The following TBC1D32 variants were observed in gnomAD, a reference collection of about 807,000 sequenced individuals.
TBC1D32 encodes protein broad-minded.
In TBC1D32, 151 loss-of-function variants were observed where a neutral mutation model predicts 170.3. The observed-to-expected ratio is 0.89, with a 90% confidence interval of 0.78 to 1.01. The LOEUF is 1.01. Ranked by LOEUF, TBC1D32 falls within the 50% of genes least tolerant of loss-of-function variation. The pLI is 0.00. For missense variants in TBC1D32, 1,464 were observed against 1,457.1 expected (o/e 1.00, Z -0.08); for synonymous variants, 498 against 488.0 (o/e 1.02, Z -0.27).
At chr6:121,089,480 C>T (rs1341393482) in intron 31 of TBC1D32, among the ~76,000 whole-genome samples, 1 of 152,102 alleles carries the variant, frequency 6.6e-6, no homozygotes. Context: ...TGAAAATGAA[C>T]CTACATTTTG....
chr6:121,287,837 G>A (rs1337042197), intron 12 of TBC1D32, among the ~76,000 whole-genome samples: 1 of 152,158 alleles, frequency 6.6e-6, no homozygotes, highest in Non-Finnish European at 1.5e-5. Flanking sequence ...TAGAACTCAG[G>A]ATTAGGAAAC....
intron 29 of TBC1D32, among the ~76,000 whole-genome samples, chr6:121,109,197 A>G (rs1398572601): frequency 2.0e-5 from 3 of 152,208 alleles, no homozygotes; most frequent in Non-Finnish European, 4.4e-5. Flanking sequence ...ATGTAAATTT[A>G]TACTTGAATA....
At chr6:121,310,644 G>A (rs1808049888) in intron 4 of TBC1D32, 135 bp downstream of exon 4, 5 of 621,328 alleles carry the variant, frequency 8.0e-6, no homozygotes, top group Non-Finnish European at 1.1e-5. Flanking sequence ...GTTTACCAGG[G>A]ATATCAGTCC....
At chr6:121,105,980 T>C in intron 30 of TBC1D32, 43 bp downstream of exon 30, 4 of 1,515,540 alleles carry the variant, frequency 2.6e-6, no homozygotes, top group Non-Finnish European at 3.6e-6. Context: ...TTGAAGACAC[T>C]GAGATAAAGG....
At chr6:121,213,533 TAAAATAAAATA>T (rs1793418134) in intron 21 of TBC1D32, among the ~76,000 whole-genome samples, 16 of 75,966 alleles carry the variant, frequency 2.1e-4, no homozygotes, top group African/African-American at 8.5e-4. Flanking sequence ...ATAAATAAAA[TAAAATAAAATA>T]AAATAAAATA....
At chr6:121,148,416 T>G (rs1036617016) in intron 24 of TBC1D32, among the ~76,000 whole-genome samples, 5 of 152,192 alleles carry the variant, frequency 3.3e-5, no homozygotes, top group African/African-American at 1.2e-4. Flanking sequence ...TTCAAGTCTT[T>G]GCTATTGTGA....
chr6:121,098,610 A>G (rs1239056042), intron 30 of TBC1D32, among the ~76,000 whole-genome samples: 4 of 152,060 alleles, frequency 2.6e-5, no homozygotes, highest in Non-Finnish European at 1.5e-5. Flanking sequence ...GTGTCAGAAA[A>G]TCAAGGGACC....
intron 31 of TBC1D32, among the ~76,000 whole-genome samples, chr6:121,083,400 T>C (rs1220951626): frequency 1.3e-5 from 2 of 152,106 alleles, no homozygotes; most frequent in African/African-American, 4.8e-5. Context: ...TCAACTGGTA[T>C]GTTTTTAATA....
chr6:121,217,265 C>T (rs150987892), intron 21 of TBC1D32, among the ~76,000 whole-genome samples: 4,165 of 152,306 alleles, frequency 0.027, 152 homozygotes, highest in African/African-American at 0.087. Flanking sequence ...GTCCATAAGG[C>T]CCACCAGAAG....
At chr6:121,227,237 C>T (rs1187765056) in intron 20 of TBC1D32, among the ~76,000 whole-genome samples, 2 of 152,128 alleles carry the variant, frequency 1.3e-5, no homozygotes, top group East Asian at 3.9e-4. Flanking sequence ...CATTTAGATT[C>T]AGGGAGAGGA....
chr6:121,175,870 G>A (rs1172356951), intron 22 of TBC1D32, among the ~76,000 whole-genome samples: 1 of 152,160 alleles, frequency 6.6e-6, no homozygotes, highest in Admixed American at 6.5e-5. Context: ...AAAGAGGCAT[G>A]CTATGCAAAA....
At chr6:121,308,355 C>T (rs988684423) in intron 4 of TBC1D32, among the ~76,000 whole-genome samples, 4 of 151,780 alleles carry the variant, frequency 2.6e-5, no homozygotes, top group Admixed American at 1.3e-4. Flanking sequence ...TTTTAGGTAT[C>T]ATGTCTAAGA....
At position 121,107,562 on chromosome 6, in the gene TBC1D32, G is replaced by C. The variant is rs1383273308; in HGVS notation, c.3325-1399C>G. The stretch of plus-strand genomic sequence containing the variant: ...CAAAAAGAAAACTTTTTACTGAGTT[G>C]TTAAAATAATAATATGGACTGAATG... On this transcript the variant is annotated intron_variant, in intron 29 of 31. Coordinates refer to ENST00000398212, the MANE Select transcript of TBC1D32 (RefSeq NM_152730.6). Among the ~76,000 whole-genome samples, 3 of 151,814 alleles carry C rather than the reference G, an allele frequency of 2.0e-5. No individual in the cohort carries two copies. The East Asian group carries it at 5.8e-4, about 29-fold the overall frequency.
At chr6:121,304,673 T>C in intron 6 of TBC1D32, 48 bp from the exon 7 acceptor site, 1 of 1,543,910 alleles carries the variant, frequency 6.5e-7, no homozygotes. Flanking sequence ...TTTACAGTGC[T>C]TTCTGAAAAA....
intron 9 of TBC1D32, among the ~76,000 whole-genome samples, chr6:121,300,534 T>C (rs1358453092): frequency 1.3e-5 from 2 of 151,996 alleles, no homozygotes; most frequent in Non-Finnish European, 2.9e-5. Context: ...TGGGAAAACT[T>C]AACTCAAGAT....
chr6:121,331,867 T>C (rs888337258), intron 1 of TBC1D32, among the ~76,000 whole-genome samples: 1 of 152,196 alleles, frequency 6.6e-6, no homozygotes, highest in African/African-American at 2.4e-5. Flanking sequence ...GATCTCAGAC[T>C]ACTGCAGCTA....
intron 30 of TBC1D32, among the ~76,000 whole-genome samples, chr6:121,102,800 G>C (rs983187290): frequency 1.2e-4 from 18 of 151,998 alleles, no homozygotes; most frequent in African/African-American, 4.1e-4. Context: ...GAGTGAACAG[G>C]CAACCTACAG....
chr6:121,138,067 C>T (rs916610738), intron 24 of TBC1D32, among the ~76,000 whole-genome samples: 7 of 152,062 alleles, frequency 4.6e-5, no homozygotes, highest in African/African-American at 1.7e-4. Flanking sequence ...GTCAGCATTT[C>T]ACTTTACTCT....
intron 19 of TBC1D32, among the ~76,000 whole-genome samples, chr6:121,240,871 G>C (rs550874397): frequency 3.7e-4 from 32 of 87,148 alleles, no homozygotes; most frequent in Non-Finnish European, 5.3e-4. Context: ...GTGAAATTCT[G>C]TCTCACAAAA....
Sources: gnomAD v4.1 joint callset for allele counts (sites outside exome capture counted in the v4.1 genomes callset) on GRCh38, gnomAD v4.1.1 for gene constraint, MANE v1.5 for transcripts, NCBI Gene and HGNC (gene_info 2026-07-23, HGNC 2026-07-21) for gene names.